The following NUP98 variants were observed in gnomAD, a reference collection of about 807,000 sequenced individuals.
NUP98 encodes nucleoporin 98 and 96 precursor.
Under a neutral mutation model 191.9 loss-of-function variants are expected in NUP98, and 26 were observed. The observed-to-expected ratio is 0.14, with a 90% CI of 0.10 to 0.19. The LOEUF (loss-of-function observed/expected upper bound fraction) is 0.19. NUP98 is among the 10% of genes least tolerant of loss of function. NUP98 has a pLI of 1.00. For synonymous variants in NUP98, 808 were observed against 778.4 expected, an observed-to-expected ratio of 1.04 and a Z score of -0.63; for missense variants, 1,941 against 2,178.8, an observed-to-expected ratio of 0.89 and a Z score of 2.17.
intron 21 of NUP98, among the ~76,000 whole-genome samples, 157 bp downstream of exon 21, chr11:3,706,288 A>C (rs1025313735): frequency 6.6e-6 from 1 of 152,190 alleles, no homozygotes; most frequent in African/African-American, 2.4e-5. Context: ...GAATAAGAGA[A>C]TGAGGCCCAG....
At chr11:3,713,743 G>A in intron 19 of NUP98, 75 bp downstream of exon 19, 1 of 1,380,722 alleles carries the variant, frequency 7.2e-7, no homozygotes, top group South Asian at 1.3e-5. Flanking sequence ...TTTAGCAAAG[G>A]ATCCCTTCCA....
intron 1 of NUP98, among the ~76,000 whole-genome samples, chr11:3,791,504 A>G (rs1410208828): frequency 3.9e-5 from 5 of 129,862 alleles, no homozygotes; most frequent in African/African-American, 1.5e-4. Context: ...ATTGTACTCC[A>G]GCCTGGGGGA....
intron 1 of NUP98, among the ~76,000 whole-genome samples, chr11:3,794,326 TTTTC>T (rs1408716783): frequency 6.6e-6 from 1 of 152,112 alleles, no homozygotes; most frequent in Non-Finnish European, 1.5e-5. Flanking sequence ...GTTTTGTTTC[TTTTC>T]TTTTTTTCTT....
intron 1 of NUP98, among the ~76,000 whole-genome samples, chr11:3,785,202 C>G (rs1451728405): frequency 6.6e-6 from 1 of 151,112 alleles, no homozygotes; most frequent in Admixed American, 6.6e-5. Flanking sequence ...AAAAAACAAC[C>G]AAAAAACCAA....
intron 13 of NUP98, among the ~76,000 whole-genome samples, chr11:3,732,907 G>A (rs1166110258): frequency 6.6e-6 from 1 of 152,138 alleles, no homozygotes; most frequent in African/African-American, 2.4e-5. Context: ...TCTTTGGCTG[G>A]AATGCTTGAC....
At chr11:3,764,167 T>G (rs923865123) in intron 8 of NUP98, among the ~76,000 whole-genome samples, 4 of 152,190 alleles carry the variant, frequency 2.6e-5, no homozygotes, top group Non-Finnish European at 5.9e-5. Flanking sequence ...GATTTTTTTT[T>G]TATTCTGAAC....
chr11:3,711,075 C>T (rs948415474), intron 20 of NUP98, among the ~76,000 whole-genome samples: 1 of 151,984 alleles, frequency 6.6e-6, no homozygotes, highest in African/African-American at 2.4e-5. Flanking sequence ...GCAAAATCCC[C>T]TCTCTACTAA....
intron 10 of NUP98, among the ~76,000 whole-genome samples, chr11:3,757,608 G>A (rs2081016097): frequency 6.6e-6 from 1 of 151,552 alleles, no homozygotes; most frequent in Non-Finnish European, 1.5e-5. Context: ...AGACTAGACT[G>A]GCCAACATGG....
At chr11:3,721,053 C>T (rs974737667) in intron 16 of NUP98, 4 of 303,156 alleles carry the variant, frequency 1.3e-5, no homozygotes, top group African/African-American at 4.5e-5. Context: ...ACATATGATA[C>T]ATCAAAGAGT....
At chr11:3,692,837 A>T (rs2078362080) in intron 27 of NUP98, among the ~76,000 whole-genome samples, 1 of 152,238 alleles carries the variant, frequency 6.6e-6, no homozygotes, top group South Asian at 2.1e-4. Context: ...GAACAGTAAG[A>T]TAATTCAAGA....
chr11:3,681,545 T>C (rs969687289), intron 30 of NUP98, among the ~76,000 whole-genome samples: 1 of 152,222 alleles, frequency 6.6e-6, no homozygotes, highest in Non-Finnish European at 1.5e-5. Context: ...AACCTCCTTA[T>C]ACGTCTTCAT....
intron 20 of NUP98, chr11:3,711,969 T>TG (rs2079033078): frequency 9.6e-7 from 1 of 1,044,650 alleles, no homozygotes; most frequent in Non-Finnish European, 1.2e-6. Flanking sequence ...AGAAATCCCG[T>TG]ATCAATGATA....
Position 3,700,669 on chromosome 11 carries a change from A to G in NUP98, c.3683T>C (p.Val1228Ala). ...AACCCAATCTGCATAGTCATGAATGACAGCAACTCCCAGATTGGGGACAAT... is the reference window on the plus strand; with the variant it reads ...AACCCAATCTGCATAGTCATGAATGGCAGCAACTCCCAGATTGGGGACAAT... Reference protein sequence around the residue: ...PLIVPNLGVAVIHDYADWVKE... With the variant: ...PLIVPNLGVAAIHDYADWVKE... The change falls in exon 24 of 33, where the codon GTC (valine) becomes GCC (alanine). Residue 1228 changes from valine (V) to alanine (A), a missense_variant. By Grantham distance (64) the Val-to-Ala change is moderately conservative (BLOSUM62 0). Transcript: ENST00000324932. 6.2e-7 allele frequency: 1 copy of G among 1,614,200 alleles called. No individual in the cohort carries two copies. Among genetic ancestry groups the G allele is most frequent in the Non-Finnish European group, 8.5e-7 (1 of 1,180,026 alleles).
intron 30 of NUP98, among the ~76,000 whole-genome samples, chr11:3,682,027 C>T (rs768797799): frequency 4.6e-5 from 7 of 152,198 alleles, no homozygotes; most frequent in African/African-American, 1.4e-4. Context: ...TCCTGCTTCA[C>T]CTTGCACTTT....
At chr11:3,756,802 T>G (rs1428789571) in intron 10 of NUP98, among the ~76,000 whole-genome samples, 1 of 152,070 alleles carries the variant, frequency 6.6e-6, no homozygotes, top group Non-Finnish European at 1.5e-5. Flanking sequence ...AAAAAAATTT[T>G]GTCGGCTGGG....
chr11:3,738,087 CAAAAAA>C (rs61502115), intron 12 of NUP98, among the ~76,000 whole-genome samples: 25 of 69,752 alleles, frequency 3.6e-4, no homozygotes, highest in African/African-American at 1.2e-3. Context: ...TGGGCGTTCT[CAAAAAA>C]AAAAAAAAAA....
At chr11:3,775,316 G>A (rs1208229602) in intron 5 of NUP98, among the ~76,000 whole-genome samples, 1 of 152,076 alleles carries the variant, frequency 6.6e-6, no homozygotes. Flanking sequence ...GATCACCTGA[G>A]GTCAGCAGTT....
At chr11:3,729,715 CAAAAAAAAAAAAAAA>C (rs755816362) in intron 14 of NUP98, among the ~76,000 whole-genome samples, 5 of 37,416 alleles carry the variant, frequency 1.3e-4, no homozygotes, top group Admixed American at 4.2e-4. Context: ...ACTCTTGCCT[CAAAAAAAAAAAAAAA>C]AAAAAAAAAA....
chr11:3,684,623 A>G (rs576119867), intron 29 of NUP98, among the ~76,000 whole-genome samples: 1 of 152,282 alleles, frequency 6.6e-6, no homozygotes, highest in South Asian at 2.1e-4. Context: ...ATTCCCTGTT[A>G]AAGGGGAAGA....
Sources: allele counts gnomAD v4.1 joint callset (sites outside exome capture counted in the v4.1 genomes callset), GRCh38; gene constraint gnomAD v4.1.1; transcripts MANE v1.5; gene names NCBI Gene and HGNC (gene_info 2026-07-23, HGNC 2026-07-21).